AGGF1: variants seen among roughly 807,000 people sequenced by gnomAD.
AGGF1 encodes the protein angiogenic factor with G patch and FHA domains 1.
AGGF1 carries 56 observed loss-of-function variants against 86.5 expected under a neutral mutation model. That is an observed-to-expected ratio of 0.65 (90% CI 0.52 to 0.81). The LOEUF is 0.81. Among genes scored for constraint, AGGF1 ranks in the 30% least tolerant of loss-of-function variants. The probability of loss-of-function intolerance (pLI) is 0.00; values close to 1 mark genes in which losing one functional copy is unlikely to be tolerated. For missense variants in AGGF1, 816 were observed against 850.9 expected (o/e 0.96, Z 0.51); for synonymous variants, 313 against 297.1 (o/e 1.05, Z -0.55).
At chr5:77,043,008 C>T (rs1332339996) in intron 5 of AGGF1, among the ~76,000 whole-genome samples, 12 of 27,716 alleles carry the variant, frequency 4.3e-4, no homozygotes, top group South Asian at 1.3e-3. Flanking sequence ...GGCGGGGGGC[C>T]GACCCCCCCA....
chr5:77,036,036 TACC>T (rs916403333), intron 3 of AGGF1: 6 of 346,366 alleles, frequency 1.7e-5, no homozygotes, highest in Non-Finnish European at 3.2e-5. Context: ...TGGACAACAA[TACC>T]ACATTTACAC....
chr5:77,053,682 G>A (rs2150733756), intron 9 of AGGF1, among the ~76,000 whole-genome samples: 1 of 152,164 alleles, frequency 6.6e-6, no homozygotes, highest in South Asian at 2.1e-4. Flanking sequence ...ATATGTTTTG[G>A]TAATAGATTG....
At chr5:77,058,103 A>T (rs539106281) in intron 11 of AGGF1, among the ~76,000 whole-genome samples, 1 of 152,296 alleles carries the variant, frequency 6.6e-6, no homozygotes, top group East Asian at 1.9e-4. Context: ...GGAGAGATGG[A>T]TATGTTTATT....
chr5:77,054,837 C>T (rs1477324376), intron 10 of AGGF1, among the ~76,000 whole-genome samples: 2 of 151,968 alleles, frequency 1.3e-5, no homozygotes, highest in Non-Finnish European at 1.5e-5. Flanking sequence ...ATAATATTAA[C>T]GTAGGAAATA....
intron 8 of AGGF1, 113 bp downstream of exon 8, chr5:77,049,100 TAGTAATGGTAATAAAGGCAGTGC>T: frequency 1.1e-6 from 1 of 951,762 alleles, no homozygotes; most frequent in Middle Eastern, 3.1e-4. Flanking sequence ...ACATGCAGTG[TAGTAATGGTAATAAAGGCAGTGC>T]AGATCTGTTT....
intron 7 of AGGF1, among the ~76,000 whole-genome samples, chr5:77,048,520 T>G (rs931237040): frequency 4.3e-4 from 66 of 152,180 alleles, no homozygotes; most frequent in African/African-American, 1.5e-3. Context: ...CCCAGCTGAT[T>G]TTTGTGTTTT....
chr5:77,053,285 G>A (rs542835355), intron 9 of AGGF1, among the ~76,000 whole-genome samples: 3 of 152,306 alleles, frequency 2.0e-5, no homozygotes, highest in South Asian at 2.1e-4. Context: ...TTGGGAGCCC[G>A]AGGCCAGTGG....
chr5:77,060,469 G>C (rs1160125252), intron 12 of AGGF1, among the ~76,000 whole-genome samples: 6 of 152,004 alleles, frequency 3.9e-5, no homozygotes, highest in Non-Finnish European at 5.9e-5. Context: ...CTCTGATTCA[G>C]TTTTCTCTTG....
intron 9 of AGGF1, among the ~76,000 whole-genome samples, chr5:77,053,229 T>C (rs544658484): frequency 7.2e-5 from 11 of 152,170 alleles, no homozygotes; most frequent in African/African-American, 2.4e-4. Context: ...AATAAGAAAA[T>C]ATAGGGGCTG....
intron 9 of AGGF1, among the ~76,000 whole-genome samples, chr5:77,053,432 T>C (rs1023688047): frequency 6.6e-6 from 1 of 152,112 alleles, no homozygotes; most frequent in Non-Finnish European, 1.5e-5. Flanking sequence ...GGCAGGAGAA[T>C]CGTTTGCACC....
At chr5:77,056,830 C>T (rs2150734661) in intron 11 of AGGF1, among the ~76,000 whole-genome samples, 1 of 152,170 alleles carries the variant, frequency 6.6e-6, no homozygotes, top group East Asian at 1.9e-4. Flanking sequence ...AGACAAGCCA[C>T]AGCTGGAGAA....
In AGGF1 at chr5:77,030,484, C is replaced by T. The variant is rs1055671410; in HGVS notation, c.-283C>T. 15 of 627,062 alleles carry T rather than the reference C, an allele frequency of 2.4e-5. No homozygotes were observed. The highest frequency in any genetic ancestry group is 2.5e-4 in the Middle Eastern group (1 of 4,054). 38.8% of individuals were successfully genotyped at this position (627,062 alleles called of 1,614,324 possible). ...TCCGACTGCTTATCCGACGCTCCTC[C>T]CTCTGTCTCTGTAGCTGGAGAAGGT... On this transcript the variant is annotated 5_prime_UTR_variant, in exon 1 of 14. Transcript: ENST00000312916.
intron 12 of AGGF1, 70 bp from the exon 13 acceptor site, chr5:77,061,633 C>A: frequency 6.8e-7 from 1 of 1,464,624 alleles, no homozygotes; most frequent in Non-Finnish European, 9.5e-7. Flanking sequence ...ACTTTTAATT[C>A]ATGAATTTAT....
rs1010519207 is a variant in AGGF1 at position 77,030,592 on chromosome 5, C to G, written c.-175C>G. ...CGGTCCCCTTGCTCGTTGCTCGCAG[C>G]CCCGTTCGGCTACAAGTGAGTTTCA... is the stretch of plus-strand genomic sequence containing the variant. On this transcript the variant is annotated 5_prime_UTR_variant, in exon 1 of 14. Coordinates refer to ENST00000312916, the MANE Select transcript of AGGF1 (RefSeq NM_018046.5). The G allele has an allele frequency of 1.3e-6, 1 of 775,412 alleles. No individual in the cohort carries two copies. The highest frequency in any genetic ancestry group is 2.2e-6 in the Non-Finnish European group (1 of 454,162). 48.0% of individuals were successfully genotyped at this position (775,412 alleles called of 1,614,324 possible).
At chr5:77,043,890 A>G (rs1287123504) in intron 5 of AGGF1, among the ~76,000 whole-genome samples, 1 of 130,388 alleles carries the variant, frequency 7.7e-6, no homozygotes, top group African/African-American at 3.0e-5. Context: ...GACGCTCGTC[A>G]CCTCCCAGAC....
chr5:77,040,096 C>T (rs1344023660), intron 5 of AGGF1, among the ~76,000 whole-genome samples: 1 of 139,832 alleles, frequency 7.2e-6, no homozygotes, highest in East Asian at 2.1e-4. Context: ...CAATTTTTTA[C>T]TTACTAGGAC....
rs138819129 is a variant in AGGF1 at position 77,062,752 on chromosome 5, A to G, written c.1945-300A>G. Among the ~76,000 whole-genome samples, 1,268 of 152,246 alleles carry G rather than the reference A, an allele frequency of 8.3e-3. 22 individuals are homozygous for G. Among genetic ancestry groups the G allele is most frequent in the African/African-American group, 0.028 (1,183 of 41,530 alleles). On this transcript the variant is annotated intron_variant, in intron 13 of 13. Transcript: ENST00000312916. ...ATATCCATTGCCTTTATTTCTGGTTAGGGTGGAATGACATACTCTGCAGCA... is the reference window on the plus strand; with the variant it reads ...ATATCCATTGCCTTTATTTCTGGTTGGGGTGGAATGACATACTCTGCAGCA...
In AGGF1 at chr5:77,030,783, CGTCCCCGCCGCG is replaced by C. The variant is rs752316898; in HGVS notation, c.21_32del (p.Arg10_Pro13del). 1 of 1,583,150 alleles carries C rather than the reference CGTCCCCGCCGCG, an allele frequency of 6.3e-7. No homozygotes were observed. Among genetic ancestry groups the C allele is most frequent in the East Asian group, 2.3e-5 (1 of 43,652 alleles). ...CCGGAGCTCATGGCCTCGGAGGCGC[CGTCCCCGCCGCG>C]GTCGCCGCCGCCGCCCACCTCCCCC... On this transcript the variant is annotated inframe_deletion, in exon 1 of 14. Transcript: ENST00000312916.
chr5:77,047,447 C>T (rs1040043950), intron 6 of AGGF1, among the ~76,000 whole-genome samples: 1 of 152,146 alleles, frequency 6.6e-6, no homozygotes, highest in African/African-American at 2.4e-5. Flanking sequence ...GAACTAATCC[C>T]CCACAGATAC....
Sources: gnomAD v4.1 joint callset for allele counts (sites outside exome capture counted in the v4.1 genomes callset) on GRCh38, gnomAD v4.1.1 for gene constraint, MANE v1.5 for transcripts, NCBI Gene and HGNC (gene_info 2026-07-23, HGNC 2026-07-21) for gene names.